Variants in QTMAN observed in about 807,000 individuals in gnomAD.
The protein encoded by QTMAN is tRNA-queuosine alpha-mannosyltransferase.
At chr2:143,943,748 A>G in the QTMAN span, 3 of 152,218 alleles carry the variant, frequency 2.0e-5, no homozygotes, top group African/African-American at 7.2e-5. Context: ...AAGGACTGAG[A>G]ACAGGAGCAG....
the QTMAN span, among the ~76,000 whole-genome samples, chr2:144,156,934 G>A: frequency 6.6e-6 from 1 of 152,052 alleles, no homozygotes; most frequent in Non-Finnish European, 1.5e-5. Context: ...TGACTGAAGA[G>A]CAGAAAATGA....
chr2:144,154,073 G>T, the QTMAN span, among the ~76,000 whole-genome samples: 2 of 151,466 alleles, frequency 1.3e-5, no homozygotes, highest in Middle Eastern at 3.2e-3. Flanking sequence ...ATGTGACTCA[G>T]TGTTTTTGTG....
chr2:144,177,842 A>G, the QTMAN span, among the ~76,000 whole-genome samples: 1 of 152,180 alleles, frequency 6.6e-6, no homozygotes, highest in Non-Finnish European at 1.5e-5. Flanking sequence ...AATAAAACTG[A>G]AACAGGTAAG....
chr2:144,181,787 G>T, the QTMAN span, among the ~76,000 whole-genome samples: 2 of 151,842 alleles, frequency 1.3e-5, no homozygotes, highest in African/African-American at 4.8e-5. Flanking sequence ...CTCTAGCCTG[G>T]GCAACAGAGT....
At chr2:144,054,914 A>C in the QTMAN span, among the ~76,000 whole-genome samples, 1 of 152,194 alleles carries the variant, frequency 6.6e-6, no homozygotes, top group Non-Finnish European at 1.5e-5. Flanking sequence ...ACAGGTTGAA[A>C]ATAATATGCA....
the QTMAN span, among the ~76,000 whole-genome samples, chr2:144,332,838 T>C: frequency 1.3e-5 from 2 of 152,178 alleles, no homozygotes; most frequent in Non-Finnish European, 2.9e-5. Flanking sequence ...TCGTACTCTT[T>C]CCCCAACCTC....
chr2:144,225,345 T>C, the QTMAN span, among the ~76,000 whole-genome samples: 2 of 152,238 alleles, frequency 1.3e-5, no homozygotes, highest in Non-Finnish European at 2.9e-5. Context: ...ATCAGCCTTC[T>C]AACTCATCTC....
At chr2:144,087,692 C>CA in the QTMAN span, among the ~76,000 whole-genome samples, 1 of 152,060 alleles carries the variant, frequency 6.6e-6, no homozygotes, top group African/African-American at 2.4e-5. Context: ...TCAACAACAA[C>CA]AAAAAACTAT....
At chr2:144,288,436 A>G in the QTMAN span, among the ~76,000 whole-genome samples, 2 of 152,210 alleles carry the variant, frequency 1.3e-5, no homozygotes, top group African/African-American at 4.8e-5. Context: ...TGTTGTATAA[A>G]CACTATGGAA....
chr2:144,147,620 T>C, the QTMAN span, among the ~76,000 whole-genome samples: 1 of 151,852 alleles, frequency 6.6e-6, no homozygotes, highest in South Asian at 2.1e-4. Context: ...TTGCAAGCAA[T>C]GACGCCCATT....
At chr2:144,240,391 G>T in the QTMAN span, among the ~76,000 whole-genome samples, 2 of 152,072 alleles carry the variant, frequency 1.3e-5, no homozygotes, top group African/African-American at 4.8e-5. Flanking sequence ...AAGAAAAAAT[G>T]ACTCCTTTAT....
chr2:144,091,792 T>C, the QTMAN span, among the ~76,000 whole-genome samples: 1 of 152,084 alleles, frequency 6.6e-6, no homozygotes, highest in African/African-American at 2.4e-5. Flanking sequence ...CAAATGCTCA[T>C]CAACACGTGG....
chr2:144,085,349 T>C, the QTMAN span, among the ~76,000 whole-genome samples: 1 of 152,238 alleles, frequency 6.6e-6, no homozygotes, highest in East Asian at 1.9e-4. Context: ...TGGTACTGGA[T>C]GCCTTGTCAA....
the QTMAN span, among the ~76,000 whole-genome samples, chr2:144,246,441 C>T: frequency 2.0e-5 from 3 of 150,400 alleles, no homozygotes; most frequent in Non-Finnish European, 3.0e-5. Flanking sequence ...GGCGCGGTGG[C>T]GGGCGCCTGT....
At chr2:144,108,576 T>C in the QTMAN span, among the ~76,000 whole-genome samples, 1 of 148,992 alleles carries the variant, frequency 6.7e-6, no homozygotes, top group Non-Finnish European at 1.5e-5. Context: ...AGGCGGAGCT[T>C]GGAGTGAGCC....
the QTMAN span, among the ~76,000 whole-genome samples, chr2:144,229,787 G>T: frequency 6.6e-6 from 1 of 152,242 alleles, no homozygotes; most frequent in Admixed American, 6.5e-5. Flanking sequence ...AGCCTAAATT[G>T]TCACGAAGGT....
At chr2:144,011,597 T>C in the QTMAN span, 4 of 973,928 alleles carry the variant, frequency 4.1e-6, no homozygotes, top group African/African-American at 3.6e-5. Context: ...CTATTTATAA[T>C]GTACAGTTAA....
At chr2:144,154,064 T>C in the QTMAN span, among the ~76,000 whole-genome samples, 1 of 152,216 alleles carries the variant, frequency 6.6e-6, no homozygotes, top group East Asian at 1.9e-4. Flanking sequence ...AAGATTAGTA[T>C]GTGACTCAGT....
At chr2:144,086,559 T>G in the QTMAN span, among the ~76,000 whole-genome samples, 3 of 152,184 alleles carry the variant, frequency 2.0e-5, no homozygotes, top group African/African-American at 7.2e-5. Context: ...ACAGCCATAA[T>G]TCTTGGGTTT....
Sources: allele counts gnomAD v4.1 joint callset (sites outside exome capture counted in the v4.1 genomes callset), GRCh38; gene constraint gnomAD v4.1.1; transcripts MANE v1.5; gene names NCBI Gene and HGNC (gene_info 2026-07-23, HGNC 2026-07-21).